Variants in LRRC37A2 observed in about 807,000 individuals in gnomAD.
LRRC37A2 encodes the protein leucine rich repeat containing 37 member A2.
A neutral mutation model predicts 68.8 loss-of-function variants in LRRC37A2; 9 were observed. The observed-to-expected ratio is 0.13, with a 90% CI of 0.08 to 0.23. The LOEUF (loss-of-function observed/expected upper bound fraction) is 0.23, where lower values mean the gene tolerates loss of function less well. Among genes scored for constraint, LRRC37A2 ranks in the 10% least tolerant of loss-of-function variants. The pLI, the probability that LRRC37A2 is intolerant of heterozygous loss-of-function variation, is 1.00. For missense variants in LRRC37A2, 168 were observed against 950.4 expected, an observed-to-expected ratio of 0.18 and a Z score of 10.82; for synonymous variants, 63 against 367.6, an observed-to-expected ratio of 0.17 and a Z score of 9.48.
chr17:46,751,341 T>C, the LRRC37A2 span, among the ~76,000 whole-genome samples: 1 of 152,330 alleles, frequency 6.6e-6, no homozygotes, highest in African/African-American at 2.4e-5. Flanking sequence ...CTAATGGGTT[T>C]AGGATGGTGA....
the LRRC37A2 span, among the ~76,000 whole-genome samples, chr17:46,745,072 G>A: frequency 6.6e-6 from 1 of 151,940 alleles, no homozygotes; most frequent in East Asian, 1.9e-4. Context: ...CAAGGGGCAT[G>A]TTTGGGCACT....
the LRRC37A2 span, among the ~76,000 whole-genome samples, chr17:46,900,604 G>T: frequency 6.6e-6 from 1 of 152,218 alleles, no homozygotes; most frequent in African/African-American, 2.4e-5. Flanking sequence ...GATGAGGATG[G>T]TGAAGAGTTT....
chr17:47,017,062 G>A, the LRRC37A2 span: 9 of 1,263,962 alleles, frequency 7.1e-6, no homozygotes, highest in East Asian at 1.5e-4. Flanking sequence ...ATGGGAAGGC[G>A]TGCTTGGGCG....
At chr17:46,522,549 A>G (rs1478659453) in intron 4 of LRRC37A2, among the ~76,000 whole-genome samples, 3 of 78,302 alleles carry the variant, frequency 3.8e-5, no homozygotes, top group Non-Finnish European at 7.3e-5. Flanking sequence ...GGTTCATGCC[A>G]TTCTCCTGCC....
chr17:46,861,856 A>T, the LRRC37A2 span, among the ~76,000 whole-genome samples: 3 of 152,100 alleles, frequency 2.0e-5, no homozygotes, highest in Non-Finnish European at 2.9e-5. Flanking sequence ...AGAATTCAAC[A>T]TTTCTCTTTG....
chr17:46,972,004 C>G, the LRRC37A2 span, among the ~76,000 whole-genome samples: 1 of 152,164 alleles, frequency 6.6e-6, no homozygotes, highest in Non-Finnish European at 1.5e-5. Context: ...GCAGAGGGCA[C>G]AGGGCACGTG....
the LRRC37A2 span, chr17:46,941,563 C>G: frequency 3.7e-6 from 1 of 269,790 alleles, no homozygotes. Flanking sequence ...TTTTAAATCT[C>G]TAAGGTGATT....
the LRRC37A2 span, among the ~76,000 whole-genome samples, chr17:46,420,925 G>A: frequency 4.4e-5 from 1 of 22,698 alleles, no homozygotes; most frequent in Non-Finnish European, 1.3e-4. Context: ...TCTGCCTCCC[G>A]AGTAACTGGG....
chr17:47,011,249 C>T, the LRRC37A2 span, among the ~76,000 whole-genome samples: 1 of 152,126 alleles, frequency 6.6e-6, no homozygotes, highest in African/African-American at 2.4e-5. Context: ...TCAGATTTAT[C>T]AAAAGTATAT....
chr17:46,877,478 A>C, the LRRC37A2 span, among the ~76,000 whole-genome samples: 3 of 152,194 alleles, frequency 2.0e-5, no homozygotes, highest in Non-Finnish European at 4.4e-5. Flanking sequence ...CAGTGCAGGT[A>C]AGACAGGTGG....
At chr17:46,755,442 A>G in the LRRC37A2 span, 2 of 1,241,580 alleles carry the variant, frequency 1.6e-6, no homozygotes, top group Non-Finnish European at 2.4e-6. Flanking sequence ...CTATTCTAAG[A>G]GTTGCTTTCC....
chr17:46,935,162 C>T, the LRRC37A2 span: 1 of 1,614,044 alleles, frequency 6.2e-7, no homozygotes, highest in Middle Eastern at 1.7e-4. Context: ...CAGAGACTGA[C>T]CTTGAAGGTG....
At chr17:46,979,807 A>G in the LRRC37A2 span, among the ~76,000 whole-genome samples, 1 of 139,674 alleles carries the variant, frequency 7.2e-6, no homozygotes, top group Non-Finnish European at 1.6e-5. Flanking sequence ...TTTCTTTTTT[A>G]CACAAACATA....
the LRRC37A2 span, chr17:46,939,984 A>G: frequency 5.3e-5 from 54 of 1,010,432 alleles, no homozygotes; most frequent in Middle Eastern, 5.1e-4. Context: ...AATGACACTC[A>G]AAATCCTTCA....
At chr17:46,551,362 T>G (rs534567911) in intron 11 of LRRC37A2, among the ~76,000 whole-genome samples, 3 of 150,748 alleles carry the variant, frequency 2.0e-5, no homozygotes, top group African/African-American at 7.5e-5. Context: ...CTGGCAACCT[T>G]GACGCTATGC....
chr17:46,961,655 G>T, the LRRC37A2 span, among the ~76,000 whole-genome samples: 1 of 152,068 alleles, frequency 6.6e-6, no homozygotes, highest in African/African-American at 2.4e-5. Flanking sequence ...TCTGTAAAAA[G>T]ATTATATTTT....
chr17:46,532,898 C>T (rs2053916119), intron 6 of LRRC37A2, among the ~76,000 whole-genome samples: 3 of 147,474 alleles, frequency 2.0e-5, no homozygotes, highest in Non-Finnish European at 4.4e-5. Context: ...CCCAGGAGTT[C>T]GAGGCCAGCC....
At chr17:46,488,741 G>A in the LRRC37A2 span, among the ~76,000 whole-genome samples, 5 of 141,832 alleles carry the variant, frequency 3.5e-5, no homozygotes, top group East Asian at 2.1e-4. Context: ...GAAACATCCC[G>A]AAACCACCTC....
chr17:46,811,618 A>G, the LRRC37A2 span, among the ~76,000 whole-genome samples: 1 of 152,172 alleles, frequency 6.6e-6, no homozygotes, highest in Non-Finnish European at 1.5e-5. Flanking sequence ...CAGCAGCAGG[A>G]CAGGGTGCCC....
Sources: gnomAD v4.1 joint callset for allele counts (sites outside exome capture counted in the v4.1 genomes callset) on GRCh38, gnomAD v4.1.1 for gene constraint, MANE v1.5 for transcripts, NCBI Gene and HGNC (gene_info 2026-07-23, HGNC 2026-07-21) for gene names.